Variants in OSBPL8 observed in about 807,000 individuals in gnomAD.
OSBPL8 encodes the protein oxysterol binding protein like 8, also known as oxysterol-binding protein-related protein 8.
OSBPL8 carries 59 observed loss-of-function variants against 125.5 expected under a neutral mutation model. The ratio of observed to expected loss-of-function variants is 0.47; its 90% confidence interval spans 0.38 to 0.58. The LOEUF (loss-of-function observed/expected upper bound fraction) is 0.58, where lower values mean the gene tolerates loss of function less well. OSBPL8 is among the 20% of genes least tolerant of loss of function. OSBPL8 has a pLI of 0.00. For missense variants in OSBPL8, 758 were observed against 1,047.8 expected, an observed-to-expected ratio of 0.72 and a Z score of 3.82; for synonymous variants, 330 against 338.9, an observed-to-expected ratio of 0.97 and a Z score of 0.29.
chr12:76,402,845 G>T, intron 5 of OSBPL8, 79 bp from the exon 6 acceptor site: 1 of 945,184 alleles, frequency 1.1e-6, no homozygotes, highest in Non-Finnish European at 1.6e-6. Context: ...TTAAAATTAT[G>T]TGACATTTTT....
intron 1 of OSBPL8, among the ~76,000 whole-genome samples, chr12:76,525,160 G>A (rs1950137639): frequency 6.6e-6 from 1 of 152,132 alleles, no homozygotes; most frequent in African/African-American, 2.4e-5. Context: ...GACCTTGTTT[G>A]AATCCTGATA....
rs777630269 is a variant in OSBPL8, at chr12:76,358,750, T to C, written c.2390A>G (p.Tyr797Cys). 17 of 1,614,142 alleles carry C rather than the reference T, an allele frequency of 1.1e-5. No individual in the cohort carries two copies. Among genetic ancestry groups the C allele is most frequent in the Non-Finnish European group, 1.3e-5 (15 of 1,179,986 alleles). Residue 797 changes from tyrosine (Y) to cysteine (C), a missense_variant, in exon 22 of 24, where the codon TAT becomes TGT. Tyr to Cys is a radical substitution (Grantham distance 194). Transcript: ENST00000261183. ...TTGAATGTCAGGTTCTGGGGAGGAA[T>C]AGCCTTTTGCTACTTTCTTCTGTTG... ...TRQQKKVAKG[Y>C]SSPEPDIQDS...
At chr12:76,451,586 TG>T (rs779420803) in intron 3 of OSBPL8, among the ~76,000 whole-genome samples, 2 of 152,172 alleles carry the variant, frequency 1.3e-5, no homozygotes, top group Non-Finnish European at 2.9e-5. Context: ...CAGAACCATT[TG>T]GTTCCAAAGT....
intron 2 of OSBPL8, among the ~76,000 whole-genome samples, chr12:76,487,100 G>A (rs1878227634): frequency 6.8e-6 from 1 of 146,890 alleles, no homozygotes; most frequent in African/African-American, 2.6e-5. Context: ...CGCTATCTTG[G>A]CTTACTGCAA....
intron 1 of OSBPL8, among the ~76,000 whole-genome samples, chr12:76,531,776 G>A (rs949729455): frequency 6.6e-6 from 1 of 152,044 alleles, no homozygotes; most frequent in African/African-American, 2.4e-5. Context: ...GGTGGCTCAC[G>A]CCTGTAATCC....
chr12:76,489,097 A>G (rs1878452357), intron 1 of OSBPL8, among the ~76,000 whole-genome samples: 1 of 152,230 alleles, frequency 6.6e-6, no homozygotes, highest in Admixed American at 6.5e-5. Context: ...CTTCAATTCT[A>G]TACAGGCTGA....
At chr12:76,471,029 T>C (rs1054520687) in intron 2 of OSBPL8, among the ~76,000 whole-genome samples, 2 of 152,198 alleles carry the variant, frequency 1.3e-5, no homozygotes, top group Non-Finnish European at 1.5e-5. Flanking sequence ...GTAATATAGA[T>C]GAGTTTATAA....
At chr12:76,477,865 T>C (rs953394008) in intron 2 of OSBPL8, among the ~76,000 whole-genome samples, 1 of 151,516 alleles carries the variant, frequency 6.6e-6, no homozygotes, top group African/African-American at 2.4e-5. Context: ...TTTAAAAATA[T>C]ATATATCTTA....
chr12:76,362,413 C>T (rs189480255), intron 21 of OSBPL8, among the ~76,000 whole-genome samples: 8 of 152,246 alleles, frequency 5.3e-5, no homozygotes, highest in Non-Finnish European at 1.2e-4. Context: ...ATCACATAAA[C>T]AGAACCAATG....
chr12:76,449,815 G>C (rs1873163952), intron 4 of OSBPL8, among the ~76,000 whole-genome samples: 2 of 152,082 alleles, frequency 1.3e-5, no homozygotes, highest in African/African-American at 4.8e-5. Context: ...TGAGTAAAGA[G>C]CCATTCAAAA....
At chr12:76,482,774 CTG>C (rs1157953536) in intron 2 of OSBPL8, among the ~76,000 whole-genome samples, 5 of 152,288 alleles carry the variant, frequency 3.3e-5, no homozygotes, top group Admixed American at 1.3e-4. Flanking sequence ...AGAGTGAAAA[CTG>C]TAAACTTTCA....
At position 76,464,680 on chromosome 12, in the gene OSBPL8, A is replaced by G. The variant is rs189542210; in HGVS notation, c.43-4785T>C. ...TGGAAGGCCACCCTAATAATAATGAAGTAATCCCACGCAATCTATAGTTTT... is the reference window on the plus strand; with the variant it reads ...TGGAAGGCCACCCTAATAATAATGAGGTAATCCCACGCAATCTATAGTTTT... On this transcript the variant is annotated intron_variant, in intron 2 of 23. Coordinates refer to ENST00000261183, the MANE Select transcript of OSBPL8 (RefSeq NM_020841.5). 7.9e-4 allele frequency among the ~76,000 whole-genome samples: 121 copies of G among 152,332 alleles called. 1 individual carries two copies. The highest frequency in any genetic ancestry group is 2.5e-3 in the African/African-American group (102 of 41,556).
At chr12:76,491,665 A>C (rs2137053528) in intron 1 of OSBPL8, among the ~76,000 whole-genome samples, 1 of 152,306 alleles carries the variant, frequency 6.6e-6, no homozygotes, top group East Asian at 1.9e-4. Flanking sequence ...TATTTTACTG[A>C]TCTGTTTTTC....
chr12:76,438,966 G>A (rs184144824), intron 4 of OSBPL8, among the ~76,000 whole-genome samples: 2 of 152,232 alleles, frequency 1.3e-5, no homozygotes, highest in East Asian at 3.9e-4. Flanking sequence ...CCTGATTTAA[G>A]GAATGTTTCT....
intron 4 of OSBPL8, among the ~76,000 whole-genome samples, chr12:76,442,637 G>T (rs1238105176): frequency 2.0e-5 from 3 of 152,052 alleles, no homozygotes; most frequent in Non-Finnish European, 2.9e-5. Flanking sequence ...CTAACTACAA[G>T]CCCTCTTTCA....
intron 1 of OSBPL8, among the ~76,000 whole-genome samples, chr12:76,535,638 T>C (rs1448962172): frequency 6.6e-6 from 1 of 152,208 alleles, no homozygotes; most frequent in Non-Finnish European, 1.5e-5. Flanking sequence ...ACAAGTCAAA[T>C]GTCTATCAAA....
chr12:76,460,495 CA>C (rs912554875), intron 2 of OSBPL8, among the ~76,000 whole-genome samples: 1,501 of 69,346 alleles, frequency 0.022, 13 homozygotes, highest in African/African-American at 0.047. Flanking sequence ...TCTCAATTGG[CA>C]AAAAAAAAAA....
chr12:76,505,097 T>C (rs1472099204), intron 1 of OSBPL8, among the ~76,000 whole-genome samples: 1 of 152,172 alleles, frequency 6.6e-6, no homozygotes, highest in Non-Finnish European at 1.5e-5. Context: ...TGAGTACTAA[T>C]ACAACTCCAG....
At chr12:76,443,954 C>T (rs1202357719) in intron 4 of OSBPL8, among the ~76,000 whole-genome samples, 1 of 152,030 alleles carries the variant, frequency 6.6e-6, no homozygotes, top group Non-Finnish European at 1.5e-5. Context: ...GAATAAGGAA[C>T]ACAATCTGGA....
Sources: gnomAD v4.1 joint callset for allele counts (sites outside exome capture counted in the v4.1 genomes callset) on GRCh38, gnomAD v4.1.1 for gene constraint, MANE v1.5 for transcripts, NCBI Gene and HGNC (gene_info 2026-07-23, HGNC 2026-07-21) for gene names.